The following CPS1 variants were observed in gnomAD, a reference collection of about 807,000 sequenced individuals.
The protein encoded by CPS1 is carbamoyl-phosphate synthase 1.
In CPS1, 109 loss-of-function variants were observed where a neutral mutation model predicts 174.6. The observed-to-expected ratio is 0.62, with a 90% confidence interval of 0.53 to 0.73. The LOEUF (loss-of-function observed/expected upper bound fraction) is 0.73. Among genes scored for constraint, CPS1 ranks in the 30% least tolerant of loss-of-function variants. CPS1 has a pLI of 0.00. For missense variants in CPS1, 1,689 were observed against 1,821.9 expected, an observed-to-expected ratio of 0.93 and a Z score of 1.33; for synonymous variants, 637 against 632.0, an observed-to-expected ratio of 1.01 and a Z score of -0.12.
At chr2:210,603,237 T>C (rs887259135) in intron 16 of CPS1, among the ~76,000 whole-genome samples, 1 of 151,896 alleles carries the variant, frequency 6.6e-6, no homozygotes, top group African/African-American at 2.4e-5. Flanking sequence ...ATTTAGGAAA[T>C]AGCTCACGGA....
Position 210,650,347 on chromosome 2 carries a change from C to T in CPS1, c.3405-16C>T. The T allele has an allele frequency of 1.2e-6, 2 of 1,610,074 alleles. No homozygotes were observed. The highest frequency in any genetic ancestry group is 1.1e-5 in the South Asian group (1 of 90,994). On this transcript the variant is annotated splice_polypyrimidine_tract_variant and intron_variant, in intron 27 of 37. Coordinates refer to ENST00000233072, the MANE Select transcript of CPS1 (RefSeq NM_001875.5). ...AGCATAAACCTGACCTGCTTTTTTT[C>T]CCCTTCCTTTTCCAGTGGGTCTGCT...
At chr2:210,669,092 C>CT (rs1255289496) in intron 34 of CPS1, among the ~76,000 whole-genome samples, 1 of 152,022 alleles carries the variant, frequency 6.6e-6, no homozygotes, top group Non-Finnish European at 1.5e-5. Flanking sequence ...ATTGGTAAGC[C>CT]TTCTAGGTCA....
Position 210,523,219 on chromosome 2 carries a change from T to C in CPS1, c.4-33500T>C, listed in dbSNP as rs531335088. On this transcript the variant is annotated intron_variant, in intron 1 of 38. Coordinates refer to the CPS1 transcript ENST00000430249. The stretch of plus-strand genomic sequence containing the variant: ...CTCACTGTCTGTAGAGAGAACCAAC[T>C]GGAAATAACTTCTTTGCTGCCTTAA... 2.0e-5 allele frequency among the ~76,000 whole-genome samples: 3 copies of C among 152,162 alleles called. No individual in the cohort carries two copies. In the East Asian group the frequency reaches 5.8e-4, roughly 30 times the overall value.
At chr2:210,674,151 G>A (rs2051206317) in intron 34 of CPS1, 1 of 152,164 alleles carries the variant, frequency 6.6e-6, no homozygotes, top group Non-Finnish European at 1.5e-5. Flanking sequence ...AGTTATTGAA[G>A]AGCAGTACAA....
Position 210,560,109 on chromosome 2 carries a change from A to G in CPS1, c.126+3250A>G, listed in dbSNP as rs141445587. 8.5e-5 allele frequency among the ~76,000 whole-genome samples: 13 copies of G among 152,232 alleles called. No individual in the cohort carries two copies. In the East Asian group the frequency reaches 2.5e-3, roughly 29 times the overall value. ...CTTAATATTAAACATCTCTAAGAAGATATTTCTTATAATAAATCAGACTCA... is the reference window on the plus strand; with the variant it reads ...CTTAATATTAAACATCTCTAAGAAGGTATTTCTTATAATAAATCAGACTCA... On this transcript the variant is annotated intron_variant, in intron 1 of 37. Transcript: ENST00000233072.
At chr2:210,595,692 A>C in intron 13 of CPS1, 110 bp downstream of exon 13, 1 of 797,596 alleles carries the variant, frequency 1.3e-6, no homozygotes, top group Non-Finnish European at 2.1e-6. Context: ...TGCTATAATT[A>C]TTTTCCTTAA....
intron 21 of CPS1, among the ~76,000 whole-genome samples, chr2:210,635,941 C>T (rs1700031196): frequency 1.3e-5 from 2 of 152,264 alleles, no homozygotes; most frequent in African/African-American, 2.4e-5. Flanking sequence ...CCATTATATA[C>T]ACCAGCTTGA....
chr2:210,497,974 T>C (rs555724427), intron 1 of CPS1, among the ~76,000 whole-genome samples: 1 of 148,190 alleles, frequency 6.7e-6, no homozygotes, highest in East Asian at 2.0e-4. Context: ...TGCTTTGAGT[T>C]CTTTGAGAAA....
Position 210,582,631 on chromosome 2 carries a change from GA to G in CPS1, c.545del (p.Lys182ArgfsTer19). ...IIRDKGTMLG[K>X]IEFEGQPVDF... is the part of the protein sequence containing the mutation. Reference sequence around the variant, plus strand: ...TAATTTGATAGGGTACCATGCTTGGGAAGATTGAATTTGAAGGTCAGCCTGT... The same window carrying G: ...TAATTTGATAGGGTACCATGCTTGGGAGATTGAATTTGAAGGTCAGCCTGT... On this transcript the variant is annotated frameshift_variant, in exon 6 of 38. Transcript: ENST00000233072. LOFTEE classifies it high-confidence loss of function. 6.2e-7 allele frequency: 1 copy of G among 1,612,930 alleles called. No individual in the cohort carries two copies. Among genetic ancestry groups the G allele is most frequent in the Non-Finnish European group, 8.5e-7 (1 of 1,179,152 alleles).
chr2:210,537,680 G>A lies in CPS1; in HGVS notation c.4-19039G>A, dbSNP rs552336584. 2.6e-5 allele frequency among the ~76,000 whole-genome samples: 4 copies of A among 152,248 alleles called. No individual in the cohort carries two copies. The South Asian group carries it at 6.2e-4, about 24-fold the overall frequency. Reference sequence around the variant, plus strand: ...TTGAACAGTGTGCCATTTTATATGAGAATTATAAAACAGCAATGATTATTT... The same window carrying A: ...TTGAACAGTGTGCCATTTTATATGAAAATTATAAAACAGCAATGATTATTT... On this transcript the variant is annotated intron_variant, in intron 1 of 38. Transcript: ENST00000430249.
intron 1 of CPS1, among the ~76,000 whole-genome samples, chr2:210,557,203 C>T (rs1307518245): frequency 6.6e-6 from 1 of 152,004 alleles, no homozygotes; most frequent in East Asian, 1.9e-4. Flanking sequence ...AATGGAGCTG[C>T]TTATATGTGT....
chr2:210,630,116 A>G (rs1699823832), intron 21 of CPS1, among the ~76,000 whole-genome samples: 1 of 151,656 alleles, frequency 6.6e-6, no homozygotes, highest in Non-Finnish European at 1.5e-5. Flanking sequence ...AAAACCATGA[A>G]AAAACAAAAT....
chr2:210,548,741 A>G (rs1158910877), intron 1 of CPS1, among the ~76,000 whole-genome samples: 2 of 152,006 alleles, frequency 1.3e-5, no homozygotes, highest in Non-Finnish European at 2.9e-5. Flanking sequence ...TAGCCTATAT[A>G]AAATAAAAAA....
intron 1 of CPS1, among the ~76,000 whole-genome samples, chr2:210,518,870 C>A (rs1461125567): frequency 6.6e-6 from 1 of 151,974 alleles, no homozygotes; most frequent in South Asian, 2.1e-4. Flanking sequence ...CCCTTTAAAT[C>A]TAAATTTACC....
intron 1 of CPS1, among the ~76,000 whole-genome samples, chr2:210,497,607 A>G (rs1269191136): frequency 6.6e-6 from 1 of 151,950 alleles, no homozygotes; most frequent in African/African-American, 2.4e-5. Context: ...ATGAGTACTC[A>G]GTGTTTAGGT....
At chr2:210,648,616 G>A in intron 27 of CPS1, 76 bp downstream of exon 27, 2 of 1,117,596 alleles carry the variant, frequency 1.8e-6, no homozygotes, top group South Asian at 2.5e-5. Flanking sequence ...TATGCTAATA[G>A]CACTAGGGTT....
In CPS1 at chr2:210,658,777, C is replaced by T. The variant is rs1053442773; in HGVS notation, c.3756+89C>T. The T allele has an allele frequency of 7.3e-6, 7 of 962,006 alleles. No individual in the cohort carries two copies. The African/African-American group carries it at 9.7e-5, about 13-fold the overall frequency. The allele number at this position is 962,006 out of a possible 1,614,324, so 59.6% of individuals were successfully genotyped here. ...TCTCTGGTAATCTTCTCTGTGAACA[C>T]CAGACAAAGAGCAACTGAGACCCCT... On this transcript the variant is annotated intron_variant, in intron 31 of 37. Transcript: ENST00000233072.
chr2:210,534,431 A>G (rs1574498890), intron 1 of CPS1, among the ~76,000 whole-genome samples: 1 of 152,264 alleles, frequency 6.6e-6, no homozygotes. Flanking sequence ...CCTCAAAATC[A>G]TTACTATATA....
rs1695563144 is a variant in CPS1 at position 210,513,006 on chromosome 2, ATATATATCTATATATC to A, written c.3+35248_3+35263del. ...TGGAGAGATATATATATGGAGATATATATATATCTATATATCTATATATTTATATATATATGGAGAT... is the reference window on the plus strand; with the variant it reads ...TGGAGAGATATATATATGGAGATATATATATATTTATATATATATGGAGAT... On this transcript the variant is annotated intron_variant, in intron 1 of 38. Transcript: ENST00000430249. 8.1e-5 allele frequency among the ~76,000 whole-genome samples: 2 copies of A among 24,828 alleles called. 1 individual carries two copies. The highest frequency in any genetic ancestry group is 5.0e-3 in the South Asian group (2 of 402). 16.3% of individuals were successfully genotyped at this position (24,828 alleles called of 152,430 possible).
Sources: allele counts gnomAD v4.1 joint callset (sites outside exome capture counted in the v4.1 genomes callset), GRCh38; gene constraint gnomAD v4.1.1; transcripts MANE v1.5; gene names NCBI Gene and HGNC (gene_info 2026-07-23, HGNC 2026-07-21).